The following FHIP2A variants were observed in gnomAD, a reference collection of about 807,000 sequenced individuals.
FHIP2A encodes the protein FHF complex subunit HOOK interacting protein 2A.
Under a neutral mutation model 93.5 loss-of-function variants are expected in FHIP2A, and 46 were observed. The ratio of observed to expected loss-of-function variants is 0.49; its 90% CI spans 0.39 to 0.63. The LOEUF (loss-of-function observed/expected upper bound fraction) is 0.63, where lower values mean the gene tolerates loss of function less well. Among genes scored for constraint, FHIP2A ranks in the 20% least tolerant of loss-of-function variants. The pLI, the probability that FHIP2A is intolerant of heterozygous loss-of-function variation, is 0.00. For synonymous variants in FHIP2A, 332 were observed against 326.5 expected (o/e 1.02, Z -0.18); for missense variants, 769 against 909.7 (o/e 0.85, Z 1.99).
intron 5 of FHIP2A, among the ~76,000 whole-genome samples, chr10:114,840,925 A>G (rs935604914): frequency 1.3e-5 from 2 of 152,188 alleles, no homozygotes; most frequent in African/African-American, 4.8e-5. Context: ...GTGTGTGACT[A>G]TGTTGTGGGT....
intron 1 of FHIP2A, among the ~76,000 whole-genome samples, chr10:114,830,091 A>G (rs2083599148): frequency 6.6e-6 from 1 of 152,144 alleles, no homozygotes; most frequent in Non-Finnish European, 1.5e-5. Context: ...CTGATTACGA[A>G]GTTGACTTTG....
rs2083811646 is a variant in FHIP2A at position 114,863,356 on chromosome 10, A to G, written c.*1816A>G. The stretch of plus-strand genomic sequence containing the variant: ...TATTTAAACTAAGGCATTAAGAGAT[A>G]TTAGATATTTCTTAATGTTTTCATA... On this transcript the variant is annotated 3_prime_UTR_variant, in exon 17 of 17. Transcript: ENST00000369248. 1.0e-6 allele frequency: 1 copy of G among 990,358 alleles called. No homozygotes were observed. The highest frequency in any genetic ancestry group is 1.7e-5 in the African/African-American group (1 of 57,320). The allele number at this position is 990,358 out of a possible 1,614,324, so 61.3% of individuals were successfully genotyped here.
intron 16 of FHIP2A, among the ~76,000 whole-genome samples, chr10:114,897,736 G>A (rs770938852): frequency 2.4e-4 from 36 of 152,056 alleles, no homozygotes; most frequent in South Asian, 4.2e-4. Context: ...ATGGCAAAAC[G>A]CTGTTTCAAC....
chr10:114,896,902 G>A (rs939444032), intron 16 of FHIP2A, among the ~76,000 whole-genome samples: 1 of 152,148 alleles, frequency 6.6e-6, no homozygotes, highest in Admixed American at 6.5e-5. Flanking sequence ...TGTTATATGT[G>A]TATGTAAAAA....
intron 16 of FHIP2A, among the ~76,000 whole-genome samples, chr10:114,871,488 G>A (rs1429393267): frequency 1.3e-5 from 2 of 152,174 alleles, no homozygotes; most frequent in East Asian, 1.9e-4. Flanking sequence ...GTCAGCCCCA[G>A]TGGTAGTAGC....
intron 16 of FHIP2A, among the ~76,000 whole-genome samples, chr10:114,887,774 G>T (rs907247098): frequency 6.6e-6 from 1 of 152,354 alleles, no homozygotes; most frequent in Middle Eastern, 3.4e-3. Flanking sequence ...GTACCAGGCT[G>T]TGAGAATGCC....
rs552676073 is a variant in FHIP2A at position 114,863,735 on chromosome 10, C to T, written c.*2195C>T. 119 of 1,288,824 alleles carry T rather than the reference C, an allele frequency of 9.2e-5. No homozygotes were observed. In the African/African-American group the frequency reaches 1.6e-3, roughly 17 times the overall value. 79.8% of individuals were successfully genotyped at this position (1,288,824 alleles called of 1,614,324 possible). A position where few individuals can be genotyped will look rare whatever the true frequency, so the allele number is the denominator to read the frequency against. On this transcript the variant is annotated 3_prime_UTR_variant, in exon 17 of 17. Coordinates refer to ENST00000369248, the MANE Select transcript of FHIP2A (RefSeq NM_020940.4). ...CTGCATCACCAGTTTTTCTTACCTT[C>T]TGTTGACAGCTGAATATTTCTGTTA...
At chr10:114,878,931 C>A (rs1214217753) in intron 16 of FHIP2A, among the ~76,000 whole-genome samples, 1 of 152,080 alleles carries the variant, frequency 6.6e-6, no homozygotes, top group Non-Finnish European at 1.5e-5. Context: ...AGGGACAATA[C>A]TCAAAGGAGC....
chr10:114,892,404 G>A (rs568250440), intron 16 of FHIP2A, among the ~76,000 whole-genome samples: 7 of 152,174 alleles, frequency 4.6e-5, no homozygotes, highest in Admixed American at 1.3e-4. Context: ...CCCAGTGTTC[G>A]AGGTGGGTGG....
chr10:114,851,576 C>T (rs2083736248), intron 13 of FHIP2A, among the ~76,000 whole-genome samples: 1 of 152,012 alleles, frequency 6.6e-6, no homozygotes, highest in Non-Finnish European at 1.5e-5. Context: ...CACCCTGTCT[C>T]GGTTACTGCA....
chr10:114,838,150 G>T (rs1248558876), intron 5 of FHIP2A, among the ~76,000 whole-genome samples: 1 of 152,150 alleles, frequency 6.6e-6, no homozygotes, highest in Non-Finnish European at 1.5e-5. Context: ...AGCTCCTGTT[G>T]CTCCGTGTTG....
chr10:114,848,162 C>CA (rs2083713254), intron 12 of FHIP2A, among the ~76,000 whole-genome samples: 3 of 152,060 alleles, frequency 2.0e-5, no homozygotes, highest in South Asian at 4.2e-4. Context: ...GCTTCCCTTG[C>CA]AGTGTTGTCA....
Position 114,862,848 on chromosome 10 carries a change from C to T in FHIP2A, c.*1308C>T. On this transcript the variant is annotated 3_prime_UTR_variant, in exon 17 of 17. Transcript: ENST00000369248. ...ATTTACTGATATTTGGGGGAACAGG[C>T]TATCAAAGGTTCCGGCTTGAAGGGA... 1 of 985,430 alleles carries T rather than the reference C, an allele frequency of 1.0e-6. No homozygotes were observed. The highest frequency in any genetic ancestry group is 1.2e-6 in the Non-Finnish European group (1 of 829,928). The allele number at this position is 985,430 out of a possible 1,614,324, so 61.0% of individuals were successfully genotyped here. A position where few individuals can be genotyped will look rare whatever the true frequency, so the allele number is the denominator to read the frequency against.
intron 3 of FHIP2A, chr10:114,833,611 T>C (rs1592014818): frequency 4.4e-6 from 2 of 459,118 alleles, no homozygotes; most frequent in East Asian, 3.8e-5. Flanking sequence ...CAACAACTTG[T>C]ACTTGGCTGC....
intron 6 of FHIP2A, 104 bp from the exon 7 acceptor site, chr10:114,843,637 T>C: frequency 1.1e-6 from 1 of 900,596 alleles, no homozygotes; most frequent in East Asian, 3.0e-5. Context: ...AAAAATCTAT[T>C]TTTCTTTTAG....
rs2083702320 is a variant in FHIP2A at position 114,846,542 on chromosome 10, A to G, written c.1399-17A>G. The G allele has an allele frequency of 1.9e-6, 3 of 1,566,342 alleles. No individual in the cohort carries two copies. Among genetic ancestry groups the G allele is most frequent in the Middle Eastern group, 1.8e-4 (1 of 5,540 alleles). On this transcript the variant is annotated splice_polypyrimidine_tract_variant and intron_variant, in intron 10 of 16. Transcript: ENST00000369248. ...TAAAGACATTTTTCAGTTAGCTTTT[A>G]TCAATTTTGGTTTCAGATAAGCATA...
chr10:114,868,990 GC>G (rs1372372034), downstream of FHIP2A, among the ~76,000 whole-genome samples: 3 of 152,168 alleles, frequency 2.0e-5, no homozygotes, highest in Non-Finnish European at 2.9e-5. Context: ...GACACACCCA[GC>G]CTGTGAGATT....
chr10:114,876,704 G>C lies in FHIP2A; in HGVS notation c.2192+15370G>C, dbSNP rs375352478. Reference sequence around the variant, plus strand: ...GATGGACTCTCAAGCATTATTTCCAGAGATGAGTCTCTTCTCACCTGCCAG... The same window carrying C: ...GATGGACTCTCAAGCATTATTTCCACAGATGAGTCTCTTCTCACCTGCCAG... On this transcript the variant is annotated intron_variant, in intron 16 of 16. Coordinates refer to the FHIP2A transcript ENST00000369250. 1.2e-4 allele frequency among the ~76,000 whole-genome samples: 19 copies of C among 152,190 alleles called. No homozygotes were observed. In the East Asian group the frequency reaches 1.8e-3, roughly 14 times the overall value.
At chr10:114,839,901 A>AG (rs1491275656) in intron 5 of FHIP2A, among the ~76,000 whole-genome samples, 1 of 147,852 alleles carries the variant, frequency 6.8e-6, no homozygotes, top group Non-Finnish European at 1.5e-5. Context: ...AAAAAAAAAA[A>AG]GAAAAGAAAC....
Sources: gnomAD v4.1 joint callset for allele counts (sites outside exome capture counted in the v4.1 genomes callset) on GRCh38, gnomAD v4.1.1 for gene constraint, MANE v1.5 for transcripts, NCBI Gene and HGNC (gene_info 2026-07-23, HGNC 2026-07-21) for gene names.